LARGE1: variants seen among roughly 807,000 people sequenced by gnomAD.
LARGE1 encodes LARGE xylosyl- and glucuronyltransferase 1.
LARGE1 carries 43 observed loss-of-function variants against 87.6 expected under a neutral mutation model. That is an observed-to-expected ratio of 0.49 (90% CI 0.38 to 0.63). The LOEUF (loss-of-function observed/expected upper bound fraction) is 0.63. LARGE1 is among the 30% of genes least tolerant of loss of function. The pLI, the probability that LARGE1 is intolerant of heterozygous loss-of-function variation, is 0.00. For missense variants in LARGE1, 802 were observed against 1,000.2 expected (o/e 0.80, Z 2.67); for synonymous variants, 434 against 394.6 (o/e 1.10, Z -1.18).
intron 7 of LARGE1, among the ~76,000 whole-genome samples, chr22:33,419,845 C>T (rs1192962888): frequency 6.6e-6 from 1 of 152,162 alleles, no homozygotes; most frequent in Admixed American, 6.5e-5. Context: ...CGCCTACCAC[C>T]ATCACACCCA....
intron 1 of LARGE1, among the ~76,000 whole-genome samples, chr22:33,808,417 T>C (rs750052853): frequency 1.1e-4 from 17 of 152,282 alleles, no homozygotes; most frequent in African/African-American, 3.9e-4. Flanking sequence ...CTTGCCAGAG[T>C]GCTGAGACTC....
At chr22:33,441,384 T>G (rs926671945) in intron 6 of LARGE1, among the ~76,000 whole-genome samples, 1 of 152,038 alleles carries the variant, frequency 6.6e-6, no homozygotes, top group Non-Finnish European at 1.5e-5. Context: ...TCTTTGAACT[T>G]TAATATAATT....
At chr22:33,765,824 C>A (rs1207100619) in intron 1 of LARGE1, among the ~76,000 whole-genome samples, 1 of 148,054 alleles carries the variant, frequency 6.8e-6, no homozygotes, top group Non-Finnish European at 1.5e-5. Flanking sequence ...GGGAAAAAAA[C>A]TCTTTAATAA....
At chr22:33,656,819 G>A (rs1281846936) in intron 2 of LARGE1, 1 of 152,032 alleles carries the variant, frequency 6.6e-6, no homozygotes, top group African/African-American at 2.4e-5. Context: ...CAACAAACAT[G>A]AATTTATCAT....
chr22:33,910,881 C>T (rs2065616950), intron 1 of LARGE1, among the ~76,000 whole-genome samples: 1 of 152,186 alleles, frequency 6.6e-6, no homozygotes, highest in Non-Finnish European at 1.5e-5. Context: ...CTAGGAAATA[C>T]AGCGAGGTCA....
chr22:33,624,786 G>T (rs1002082887), intron 4 of LARGE1, among the ~76,000 whole-genome samples: 1 of 152,206 alleles, frequency 6.6e-6, no homozygotes, highest in East Asian at 1.9e-4. Flanking sequence ...AATCACAGCA[G>T]ATGATCTGAA....
At chr22:33,404,413 A>T (rs2066026858) in intron 7 of LARGE1, among the ~76,000 whole-genome samples, 1 of 152,226 alleles carries the variant, frequency 6.6e-6, no homozygotes, top group South Asian at 2.1e-4. Context: ...TGCTCAATAA[A>T]TGTTAGCTAG....
rs538348658 is a variant in LARGE1, at chr22:33,915,731, G to A, written c.-83+4264C>T. 2.4e-3 allele frequency among the ~76,000 whole-genome samples: 365 copies of A among 152,298 alleles called. 1 individual carries two copies. The highest frequency in any genetic ancestry group is 4.1e-3 in the Non-Finnish European group (278 of 68,020). On this transcript the variant is annotated intron_variant, in intron 1 of 14. Coordinates refer to ENST00000397394, the MANE Select transcript of LARGE1 (RefSeq NM_133642.5). Reference sequence around the variant, plus strand: ...ATTCTTGCCACTATTTGAATACACAGAGCAAGAAGCGGGGGCACAGTCCTC... The same window carrying A: ...ATTCTTGCCACTATTTGAATACACAAAGCAAGAAGCGGGGGCACAGTCCTC...
At chr22:33,395,230 A>G (rs1444137772) in intron 7 of LARGE1, among the ~76,000 whole-genome samples, 1 of 149,876 alleles carries the variant, frequency 6.7e-6, no homozygotes, top group Non-Finnish European at 1.5e-5. Context: ...CTGCCTCAAA[A>G]AAAAAAAAAA....
At chr22:33,908,484 G>A (rs7290245) in intron 1 of LARGE1, among the ~76,000 whole-genome samples, 7,423 of 148,702 alleles carry the variant, frequency 0.05, 638 homozygotes, top group African/African-American at 0.17. Context: ...AGGTCTAGGG[G>A]GAAAAAAATC....
chr22:33,396,487 G>GAGAT (rs1198682923), intron 7 of LARGE1, among the ~76,000 whole-genome samples: 8 of 150,560 alleles, frequency 5.3e-5, no homozygotes, highest in Non-Finnish European at 1.2e-4. Context: ...GAGAGAGAGA[G>GAGAT]AGAGAGAGAG....
rs779339199 is a variant in LARGE1, at chr22:33,604,513, C to T, written c.537G>A (p.Glu179=). 6.2e-7 allele frequency: 1 copy of T among 1,614,090 alleles called. No individual in the cohort carries two copies. The highest frequency in any genetic ancestry group is 8.5e-7 in the Non-Finnish European group (1 of 1,179,988). ...TCTGGAAGAGCGTGGCCAGGATCTG[C>T]TCCGCAATGGAGTCAGCAATAAGGT... ...HFHLIADSIA[E]QILATLFQTW... is the part of the protein sequence containing the mutation. Residue 179 remains glutamate (E), a synonymous_variant, in exon 5 of 15, where the codon GAG becomes GAA. Coordinates refer to ENST00000397394, the MANE Select transcript of LARGE1 (RefSeq NM_133642.5).
chr22:33,473,372 C>A (rs571711249), intron 6 of LARGE1, among the ~76,000 whole-genome samples: 1 of 151,712 alleles, frequency 6.6e-6, no homozygotes, highest in South Asian at 2.1e-4. Context: ...TTTTTTGAGA[C>A]GAAGTCTCAC....
intron 6 of LARGE1, among the ~76,000 whole-genome samples, chr22:33,561,130 A>C (rs1239713810): frequency 6.6e-6 from 1 of 152,200 alleles, no homozygotes; most frequent in Admixed American, 6.5e-5. Flanking sequence ...AAGTGTGCAA[A>C]GCTTCTAGCT....
chr22:33,521,363 T>C (rs2071582336), intron 6 of LARGE1, among the ~76,000 whole-genome samples: 2 of 152,204 alleles, frequency 1.3e-5, no homozygotes, highest in African/African-American at 4.8e-5. Flanking sequence ...CTGGCTACTA[T>C]AGGGTGGCCT....
rs577960639 is a variant in LARGE1 at position 33,868,027 on chromosome 22, A to C, written c.-83+51968T>G. ...CCTACCCTGTAATCTCTTGCAGCAC[A>C]CTACCCGCTCCATTTTCCCACAACC... On this transcript the variant is annotated intron_variant, in intron 1 of 14. Transcript: ENST00000397394. 2.2e-4 allele frequency among the ~76,000 whole-genome samples: 34 copies of C among 152,298 alleles called. No homozygotes were observed. In the East Asian group the frequency reaches 6.4e-3, roughly 29 times the overall value.
Position 33,696,072 on chromosome 22 carries a change from T to G in LARGE1, c.107-45404A>C, listed in dbSNP as rs534300189. On this transcript the variant is annotated intron_variant, in intron 2 of 14. Transcript: ENST00000397394. ...TCATGTATTGCTAATCTGTTTTTAC[T>G]GACCGCTTGGTGAGTGGCATACCAT... Among the ~76,000 whole-genome samples the G allele has an allele frequency of 2.6e-5, 4 of 152,324 alleles. No individual in the cohort carries two copies. The South Asian group carries it at 8.3e-4, about 32-fold the overall frequency.
intron 6 of LARGE1, among the ~76,000 whole-genome samples, chr22:33,496,051 G>T (rs1357682129): frequency 2.0e-5 from 3 of 152,144 alleles, no homozygotes; most frequent in Non-Finnish European, 4.4e-5. Context: ...TCTATAAGCT[G>T]AGGTGCAAGG....
intron 11 of LARGE1, among the ~76,000 whole-genome samples, chr22:33,193,099 T>C (rs963292532): frequency 1.3e-5 from 2 of 152,096 alleles, no homozygotes; most frequent in Admixed American, 1.3e-4. Context: ...TGTGTATGTG[T>C]ATGTGTGTGT....
Sources: gnomAD v4.1 joint callset for allele counts (sites outside exome capture counted in the v4.1 genomes callset) on GRCh38, gnomAD v4.1.1 for gene constraint, MANE v1.5 for transcripts, NCBI Gene and HGNC (gene_info 2026-07-23, HGNC 2026-07-21) for gene names.